The following CCDC3 variants were observed in gnomAD, a reference collection of about 807,000 sequenced individuals.
The protein encoded by CCDC3 is coiled-coil domain-containing protein 3.
Under a neutral mutation model 21.4 loss-of-function variants are expected in CCDC3, and 24 were observed. That is an observed-to-expected ratio of 1.12 (90% CI 0.81 to 1.58). The LOEUF is 1.58. Ranked by LOEUF, CCDC3 falls within the 40% of genes most tolerant of loss-of-function variation. The pLI, the probability that CCDC3 is intolerant of heterozygous loss-of-function variation, is 0.00. For missense variants in CCDC3, 425 were observed against 360.9 expected (o/e 1.18, Z -1.44); for synonymous variants, 186 against 166.0 (o/e 1.12, Z -0.93).
intron 2 of CCDC3, among the ~76,000 whole-genome samples, chr10:12,916,245 A>C (rs1462742624): frequency 1.3e-5 from 2 of 152,096 alleles, no homozygotes; most frequent in African/African-American, 4.8e-5. Context: ...CAGCCTGGCC[A>C]ACATGGTGAA....
chr10:12,943,476 G>C (rs1257628872), intron 2 of CCDC3, among the ~76,000 whole-genome samples: 1 of 152,244 alleles, frequency 6.6e-6, no homozygotes, highest in East Asian at 1.9e-4. Context: ...ACACAAGCTT[G>C]CATAGGCAAA....
chr10:13,014,532 G>A (rs1468804832), intron 5 of CCDC3, among the ~76,000 whole-genome samples: 2 of 151,492 alleles, frequency 1.3e-5, no homozygotes, highest in African/African-American at 4.8e-5. Context: ...ACACAATTCT[G>A]AATTAGATCC....
At position 12,998,186 on chromosome 10, in the gene CCDC3, A is replaced by C. The variant is rs73583888; in HGVS notation, c.549+152T>G. 8.6e-3 allele frequency: 6,291 copies of C among 729,234 alleles called. 301 individuals carry two copies. The African/African-American group carries it at 0.097, about 11-fold the overall frequency. The allele number at this position is 729,234 out of a possible 1,614,324, so 45.2% of individuals were successfully genotyped here. A position where few individuals can be genotyped will look rare whatever the true frequency, so the allele number is the denominator to read the frequency against. ...GGTCTTTTTTAACAGCTGGGAGGTA[A>C]GGAGGGATAGCAGGAGAGAGAGAGG... On this transcript the variant is annotated intron_variant, in intron 2 of 2. Transcript: ENST00000378825.
chr10:12,926,027 G>A (rs530412880), intron 2 of CCDC3, among the ~76,000 whole-genome samples: 1 of 152,372 alleles, frequency 6.6e-6, no homozygotes, highest in African/African-American at 2.4e-5. Context: ...AGCAGAGGCT[G>A]GGTAGGAGCA....
intron 4 of CCDC3, chr10:13,058,795 G>C (rs1220367648): frequency 1.5e-5 from 3 of 196,396 alleles, no homozygotes; most frequent in African/African-American, 7.1e-5. Flanking sequence ...TTGTTGTTTG[G>C]AGGTGGATGA....
At chr10:13,090,787 A>C (rs1832557926) in intron 3 of CCDC3, among the ~76,000 whole-genome samples, 1 of 152,208 alleles carries the variant, frequency 6.6e-6, no homozygotes, top group Non-Finnish European at 1.5e-5. Flanking sequence ...ACAGATGCAT[A>C]TATTGAAGGG....
chr10:12,978,686 C>T (rs769896011), intron 2 of CCDC3, among the ~76,000 whole-genome samples: 4 of 152,130 alleles, frequency 2.6e-5, no homozygotes, highest in Non-Finnish European at 4.4e-5. Context: ...CAAACCTAGT[C>T]TGCAGACACG....
intron 1 of CCDC3, 142 bp downstream of exon 1, chr10:13,001,055 G>T: frequency 1.9e-6 from 2 of 1,052,406 alleles, no homozygotes; most frequent in Non-Finnish European, 2.7e-6. Flanking sequence ...GATCCAAGAA[G>T]GCAAGGGGTA....
chr10:12,960,692 A>C (rs916634135), intron 2 of CCDC3, among the ~76,000 whole-genome samples: 1 of 152,206 alleles, frequency 6.6e-6, no homozygotes, highest in African/African-American at 2.4e-5. Flanking sequence ...AGATGGCCAG[A>C]GAGCTCAAGG....
intron 2 of CCDC3, among the ~76,000 whole-genome samples, chr10:12,973,849 T>C (rs1290361642): frequency 6.6e-6 from 1 of 152,162 alleles, no homozygotes; most frequent in Non-Finnish European, 1.5e-5. Flanking sequence ...ACACAAGTAG[T>C]GTGATGTGGT....
At chr10:12,983,537 C>T in intron 2 of CCDC3, among the ~76,000 whole-genome samples, 1 of 150,732 alleles carries the variant, frequency 6.6e-6, no homozygotes, top group East Asian at 2.0e-4. Flanking sequence ...CACCACTGCA[C>T]TCCCACCTGG....
At chr10:12,906,957 C>A (rs948519628) in intron 2 of CCDC3, among the ~76,000 whole-genome samples, 1 of 152,168 alleles carries the variant, frequency 6.6e-6, no homozygotes, top group Admixed American at 6.5e-5. Context: ...CTTAACCAAA[C>A]GATGACATTC....
At chr10:12,950,648 C>G (rs1834993740) in intron 2 of CCDC3, among the ~76,000 whole-genome samples, 1 of 152,186 alleles carries the variant, frequency 6.6e-6, no homozygotes, top group African/African-American at 2.4e-5. Flanking sequence ...ACTTTGACTT[C>G]CTCTCCTGTA....
At chr10:13,034,699 T>C (rs1278569601) in intron 5 of CCDC3, among the ~76,000 whole-genome samples, 1 of 117,574 alleles carries the variant, frequency 8.5e-6, no homozygotes, top group Non-Finnish European at 1.9e-5. Context: ...GTTCTCACTG[T>C]AAAAAACAAA....
chr10:13,072,931 A>T (rs1201216726), intron 4 of CCDC3, among the ~76,000 whole-genome samples: 1 of 142,110 alleles, frequency 7.0e-6, no homozygotes, highest in Non-Finnish European at 1.5e-5. Context: ...CAGTGGCATG[A>T]TCTCGGCTCA....
At chr10:13,008,309 AT>A (rs1406895539) in intron 5 of CCDC3, among the ~76,000 whole-genome samples, 1 of 152,192 alleles carries the variant, frequency 6.6e-6, no homozygotes, top group Non-Finnish European at 1.5e-5. Context: ...GAATCAGAGC[AT>A]GGTTAGGGTG....
intron 2 of CCDC3, among the ~76,000 whole-genome samples, chr10:12,995,048 C>T (rs755515567): frequency 1.4e-4 from 21 of 149,730 alleles, no homozygotes; most frequent in Non-Finnish European, 2.5e-4. Flanking sequence ...TGCCATTGCA[C>T]TCTAGCCTGG....
At chr10:12,999,386 T>G (rs1176241833) in intron 1 of CCDC3, among the ~76,000 whole-genome samples, 2 of 152,254 alleles carry the variant, frequency 1.3e-5, no homozygotes, top group Admixed American at 1.3e-4. Context: ...GGCCTAGCAT[T>G]AATCAATTAG....
At chr10:12,929,081 G>A (rs572268118) in intron 2 of CCDC3, among the ~76,000 whole-genome samples, 65 of 152,120 alleles carry the variant, frequency 4.3e-4, no homozygotes, top group African/African-American at 1.5e-3. Flanking sequence ...GGCCAAGATG[G>A]TGAAACCCCT....
Sources: gnomAD v4.1 joint callset for allele counts (sites outside exome capture counted in the v4.1 genomes callset) on GRCh38, gnomAD v4.1.1 for gene constraint, MANE v1.5 for transcripts, NCBI Gene and HGNC (gene_info 2026-07-23, HGNC 2026-07-21) for gene names.